TTC39C: variants seen among roughly 807,000 people sequenced by gnomAD.
The protein encoded by TTC39C is tetratricopeptide repeat protein 39C.
Under a neutral mutation model 76.3 loss-of-function variants are expected in TTC39C, and 33 were observed. The ratio of observed to expected loss-of-function variants is 0.43; its 90% CI spans 0.33 to 0.58. TTC39C has a LOEUF of 0.58. Among genes scored for constraint, TTC39C ranks in the 20% least tolerant of loss-of-function variants. The pLI is 0.04. For missense variants in TTC39C, 595 were observed against 701.4 expected, an observed-to-expected ratio of 0.85 and a Z score of 1.71; for synonymous variants, 254 against 260.6, an observed-to-expected ratio of 0.97 and a Z score of 0.24.
chr18:24,086,452 T>G (rs2084440195), intron 6 of TTC39C, among the ~76,000 whole-genome samples: 1 of 152,208 alleles, frequency 6.6e-6, no homozygotes. Context: ...TGTTTGGGAC[T>G]CTGTAGAGTG....
At chr18:24,072,545 C>T in intron 4 of TTC39C, among the ~76,000 whole-genome samples, 2 of 152,350 alleles carry the variant, frequency 1.3e-5, no homozygotes, top group Non-Finnish European at 2.9e-5. Flanking sequence ...GATCCATCCG[C>T]CTTGGTCTCC....
intron 1 of TTC39C, among the ~76,000 whole-genome samples, chr18:24,052,656 G>A (rs17203066): frequency 0.11 from 17,321 of 152,132 alleles, 1,129 homozygotes; most frequent in East Asian, 0.24. Context: ...CGATGATCCC[G>A]AATTTTATTG....
intron 1 of TTC39C, among the ~76,000 whole-genome samples, chr18:24,045,253 A>T (rs1250430190): frequency 9.1e-6 from 1 of 110,482 alleles, no homozygotes; most frequent in Non-Finnish European, 1.7e-5. Flanking sequence ...TGGGTGACAG[A>T]GTAAGACTCT....
In TTC39C at chr18:24,066,378, T is replaced by C. The variant is rs375497290; in HGVS notation, c.345+238T>C. ...TTTTGATATCTTAGAATCATCTTCT[T>C]CCATAATGGGCCGTGTGGGAAGGGC... On this transcript the variant is annotated intron_variant, in intron 3 of 13. Coordinates refer to ENST00000317571, the MANE Select transcript of TTC39C (RefSeq NM_001135993.2). 2.6e-5 allele frequency among the ~76,000 whole-genome samples: 4 copies of C among 152,204 alleles called. No individual in the cohort carries two copies. The East Asian group carries it at 5.8e-4, about 22-fold the overall frequency.
intron 1 of TTC39C, among the ~76,000 whole-genome samples, chr18:24,055,245 TTG>T (rs2084000427): frequency 6.6e-6 from 1 of 152,210 alleles, no homozygotes; most frequent in Non-Finnish European, 1.5e-5. Flanking sequence ...TTCAATTCTT[TTG>T]TGTATATGCC....
intron 1 of TTC39C, among the ~76,000 whole-genome samples, chr18:24,015,766 C>T (rs2083447919): frequency 6.6e-6 from 1 of 152,102 alleles, no homozygotes; most frequent in Admixed American, 6.5e-5. Flanking sequence ...TAGGAAAACA[C>T]GTGTGTTCAG....
At chr18:24,104,352 C>T (rs1346307952) in intron 6 of TTC39C, among the ~76,000 whole-genome samples, 1 of 152,202 alleles carries the variant, frequency 6.6e-6, no homozygotes, top group African/African-American at 2.4e-5. Flanking sequence ...CCACTGGCCT[C>T]CTTCCTTCCT....
chr18:24,025,510 G>A (rs559563958), intron 1 of TTC39C, among the ~76,000 whole-genome samples: 19 of 152,294 alleles, frequency 1.2e-4, no homozygotes, highest in Middle Eastern at 6.8e-3. Context: ...GGAATATTTT[G>A]TGTTTCTACA....
chr18:24,091,332 T>C (rs1351239573), intron 6 of TTC39C, among the ~76,000 whole-genome samples: 11 of 152,096 alleles, frequency 7.2e-5, no homozygotes, highest in Non-Finnish European at 1.3e-4. Flanking sequence ...GGCCCAGCTA[T>C]TCAGGAGGCT....
intron 6 of TTC39C, among the ~76,000 whole-genome samples, chr18:24,088,921 G>C (rs940174257): frequency 6.6e-6 from 1 of 152,156 alleles, no homozygotes; most frequent in African/African-American, 2.4e-5. Context: ...ATGACTTCGG[G>C]TGCCATCAAC....
chr18:24,023,984 A>ATCTATATCTATATC (rs1568409030), intron 1 of TTC39C, among the ~76,000 whole-genome samples: 3 of 5,720 alleles, frequency 5.2e-4, no homozygotes, highest in Non-Finnish European at 1.2e-3. Context: ...ATATATACAT[A>ATCTATATCTATATC]TATATATATA....
chr18:24,043,290 A>G (rs1049464154), intron 1 of TTC39C, among the ~76,000 whole-genome samples: 2 of 151,928 alleles, frequency 1.3e-5, no homozygotes, highest in African/African-American at 4.8e-5. Context: ...TAAGTTGGAG[A>G]CTTCAAGGCT....
At chr18:24,091,647 G>A (rs2084517767) in intron 6 of TTC39C, among the ~76,000 whole-genome samples, 1 of 152,096 alleles carries the variant, frequency 6.6e-6, no homozygotes, top group Non-Finnish European at 1.5e-5. Context: ...TGAAACATTT[G>A]CGCTATAAAC....
chr18:24,131,897 A>G lies in TTC39C; in HGVS notation c.1639A>G (p.Arg547Gly). ...LDKPETVGRG[R>G]ALLLQAKEDF... ...TTTCTTATAGACTGTAGGAAGAGGC[A>G]GAGCTCTACTTCTTCAAGCAAAGGT... The change falls in exon 13 of 14, where the codon AGA (arginine) becomes GGA (glycine). Residue 547 changes from arginine (R) to glycine (G), a missense_variant. Arg to Gly is a moderately radical substitution (Grantham distance 125). Transcript: ENST00000317571. 6.2e-7 allele frequency: 1 copy of G among 1,613,238 alleles called. No individual in the cohort carries two copies. Among genetic ancestry groups the G allele is most frequent in the Non-Finnish European group, 8.5e-7 (1 of 1,179,642 alleles).
intron 4 of TTC39C, among the ~76,000 whole-genome samples, chr18:24,079,715 A>T (rs570396799): frequency 1.8e-4 from 28 of 151,796 alleles, no homozygotes; most frequent in Admixed American, 1.3e-3. Flanking sequence ...CTATTTGTTT[A>T]CCCAGTAAAT....
At chr18:24,086,895 C>T (rs1211260016) in intron 6 of TTC39C, among the ~76,000 whole-genome samples, 1 of 151,640 alleles carries the variant, frequency 6.6e-6, no homozygotes, top group Non-Finnish European at 1.5e-5. Flanking sequence ...CATGGGAAGT[C>T]AGGTATCACA....
At chr18:24,065,225 C>A (rs1180292888) in intron 2 of TTC39C, among the ~76,000 whole-genome samples, 1 of 152,166 alleles carries the variant, frequency 6.6e-6, no homozygotes, top group African/African-American at 2.4e-5. Context: ...TAGAGCCATA[C>A]TGAGGAAGCC....
Position 24,066,128 on chromosome 18 carries a change from A to G in TTC39C, c.333A>G (p.Lys111=). 6.3e-7 allele frequency: 1 copy of G among 1,596,898 alleles called. No homozygotes were observed. ...GAGTAATTGAAACAATCAAGAATAA[A>G]ATTAAGAAGAACGTAAGTATTGCGG... ...EAGVIETIKN[K]IKKNVDVRKS... is the part of the protein sequence containing the mutation. The change falls in exon 3 of 14, where the codon AAA becomes AAG. Residue 111 remains lysine, a synonymous_variant. Transcript: ENST00000317571.
At chr18:24,098,184 C>T (rs1395332249) in intron 6 of TTC39C, among the ~76,000 whole-genome samples, 2 of 152,000 alleles carry the variant, frequency 1.3e-5, no homozygotes, top group African/African-American at 4.8e-5. Context: ...TCTTATCAGT[C>T]ACTGAGGATA....
Sources: gnomAD v4.1 joint callset for allele counts (sites outside exome capture counted in the v4.1 genomes callset) on GRCh38, gnomAD v4.1.1 for gene constraint, MANE v1.5 for transcripts, NCBI Gene and HGNC (gene_info 2026-07-23, HGNC 2026-07-21) for gene names.